Variants in CRLF3 observed in about 807,000 individuals in gnomAD.
CRLF3 encodes the protein cytokine receptor-like factor 3.
CRLF3 carries 33 observed loss-of-function variants against 55.0 expected under a neutral mutation model. That is an observed-to-expected ratio of 0.60 (90% confidence interval 0.46 to 0.80). CRLF3 has a LOEUF of 0.80. Among genes scored for constraint, CRLF3 ranks in the 30% least tolerant of loss-of-function variants. The probability of loss-of-function intolerance (pLI) is 0.00; values close to 1 mark genes in which losing one functional copy is unlikely to be tolerated. For synonymous variants in CRLF3, 238 were observed against 196.8 expected, an observed-to-expected ratio of 1.21 and a Z score of -1.75; for missense variants, 494 against 538.4, an observed-to-expected ratio of 0.92 and a Z score of 0.82.
chr17:30,808,687 G>C, intron 1 of CRLF3, among the ~76,000 whole-genome samples: 1 of 151,950 alleles, frequency 6.6e-6, no homozygotes, highest in Middle Eastern at 3.2e-3. Context: ...CCGCCTCCCA[G>C]GTTCAAGCAG....
chr17:30,795,582 C>G (rs1597920366), intron 4 of CRLF3, among the ~76,000 whole-genome samples: 1 of 151,768 alleles, frequency 6.6e-6, no homozygotes, highest in East Asian at 1.9e-4. Flanking sequence ...GTGGGCAGAT[C>G]ACCTGAGGTC....
chr17:30,793,566 A>G lies in CRLF3; in HGVS notation c.710T>C (p.Leu237Ser), dbSNP rs752882308. 1.9e-6 allele frequency: 3 copies of G among 1,614,120 alleles called. No individual in the cohort carries two copies. The highest frequency in any genetic ancestry group is 2.5e-6 in the Non-Finnish European group (3 of 1,179,988). Reference sequence around the variant, plus strand: ...GTAATCAACGTTGGGGTCTATGTGCAATACTATGAATTCAGTTTCAGAACC... The same window carrying G: ...GTAATCAACGTTGGGGTCTATGTGCGATACTATGAATTCAGTTTCAGAACC... ...YVGSETEFIV[L>S]HIDPNVDYQF... The change falls in exon 5 of 8, where the codon TTG becomes TCG. Residue 237 changes from leucine (L) to serine (S), a missense_variant. Leu to Ser is a moderately radical substitution (Grantham distance 145, BLOSUM62 -2). Transcript: ENST00000324238.
chr17:30,800,076 C>T (rs368865204), intron 2 of CRLF3, among the ~76,000 whole-genome samples: 6 of 152,188 alleles, frequency 3.9e-5, no homozygotes, highest in Admixed American at 3.9e-4. Flanking sequence ...AGATTAACTT[C>T]CAGGTGGAGT....
In CRLF3 at chr17:30,788,599, C is replaced by CTTTTTTT. The variant is rs1159336036; in HGVS notation, c.960-2575_960-2569dup. On this transcript the variant is annotated intron_variant, in intron 6 of 7. Coordinates refer to ENST00000324238, the MANE Select transcript of CRLF3 (RefSeq NM_015986.4). ...GGGATAAATAACAAAGTAGTGCCTTCTTTTTTTTTTTTTTTTTTTTTTTTT... is the reference window on the plus strand; with the variant it reads ...GGGATAAATAACAAAGTAGTGCCTTCTTTTTTTTTTTTTTTTTTTTTTTTTTTTTTTT... Among the ~76,000 whole-genome samples, 92 of 80,034 alleles carry CTTTTTTT rather than the reference C, an allele frequency of 1.1e-3. 6 individuals are homozygous for CTTTTTTT. Among genetic ancestry groups the CTTTTTTT allele is most frequent in the African/African-American group, 3.6e-3 (62 of 17,228 alleles). 52.5% of individuals were successfully genotyped at this position (80,034 alleles called of 152,430 possible).
chr17:30,805,776 A>G (rs1278464362), intron 1 of CRLF3, among the ~76,000 whole-genome samples: 1 of 151,602 alleles, frequency 6.6e-6, no homozygotes, highest in Non-Finnish European at 1.5e-5. Context: ...TGATCCTTGC[A>G]CTTTGAGAGG....
chr17:30,794,961 G>A (rs1270978916), intron 4 of CRLF3, among the ~76,000 whole-genome samples: 1 of 152,088 alleles, frequency 6.6e-6, no homozygotes, highest in East Asian at 1.9e-4. Flanking sequence ...ACCTATCAGC[G>A]TATGGATCCA....
chr17:30,815,993 CA>C (rs1198779603), intron 1 of CRLF3, among the ~76,000 whole-genome samples: 3 of 144,166 alleles, frequency 2.1e-5, no homozygotes, highest in South Asian at 4.5e-4. Context: ...AAAAAAAAGA[CA>C]ATTTGTAGGC....
Position 30,785,955 on chromosome 17 carries a change from G to C in CRLF3, c.1036C>G (p.Leu346Val). The change falls in exon 7 of 8, where the codon CTG becomes GTG. Residue 346 changes from leucine (L) to valine (V), a missense_variant. Coordinates refer to ENST00000324238, the MANE Select transcript of CRLF3 (RefSeq NM_015986.4). ...ATGCACACAGCTTGATCCCGCTGCA[G>C]AGAGTCATATCCATCCTGTTTTTCT... is the stretch of plus-strand genomic sequence containing the variant. ...CAEKQDGYDS[L>V]QRDQAVCIST... 1 of 1,611,780 alleles carries C rather than the reference G, an allele frequency of 6.2e-7. No homozygotes were observed. Among genetic ancestry groups the C allele is most frequent in the Non-Finnish European group, 8.5e-7 (1 of 1,177,970 alleles).
At chr17:30,804,364 T>C (rs1904326952) in intron 1 of CRLF3, among the ~76,000 whole-genome samples, 1 of 152,210 alleles carries the variant, frequency 6.6e-6, no homozygotes, top group Non-Finnish European at 1.5e-5. Flanking sequence ...ACTTATGATC[T>C]CTCCTAACAC....
At chr17:30,788,871 G>T (rs1355294709) in intron 6 of CRLF3, among the ~76,000 whole-genome samples, 2 of 151,996 alleles carry the variant, frequency 1.3e-5, no homozygotes, top group Non-Finnish European at 2.9e-5. Flanking sequence ...CTCCCAAAGT[G>T]CTGGGATTAC....
At chr17:30,804,130 C>T in intron 1 of CRLF3, 22 bp from the exon 2 acceptor site, 1 of 1,553,596 alleles carries the variant, frequency 6.4e-7, no homozygotes, top group Non-Finnish European at 8.9e-7. Flanking sequence ...TAACAAAATA[C>T]TCAAAATCAG....
chr17:30,792,740 T>C (rs1971833159), intron 5 of CRLF3, 168 bp from the exon 6 acceptor site: 2 of 483,840 alleles, frequency 4.1e-6, no homozygotes, highest in Admixed American at 6.6e-5. Context: ...GTCCCACAAA[T>C]TACAAAAGAT....
chr17:30,787,232 T>C (rs760953398), intron 6 of CRLF3, among the ~76,000 whole-genome samples: 2 of 152,258 alleles, frequency 1.3e-5, no homozygotes, highest in Non-Finnish European at 2.9e-5. Flanking sequence ...GTTGACATTA[T>C]AATTTATGTA....
chr17:30,799,382 CAG>C (rs1407754338), intron 2 of CRLF3, among the ~76,000 whole-genome samples: 1 of 152,138 alleles, frequency 6.6e-6, no homozygotes, highest in Non-Finnish European at 1.5e-5. Context: ...CTTTTTGAGA[CAG>C]AGTCTCACTC....
chr17:30,792,296 C>A, intron 6 of CRLF3, 144 bp downstream of exon 6: 1 of 636,748 alleles, frequency 1.6e-6, no homozygotes, highest in Non-Finnish European at 2.6e-6. Context: ...ACTACAGCTA[C>A]AGGAAATAAA....
Position 30,784,429 on chromosome 17 carries a change from T to C in CRLF3, c.1087A>G (p.Asn363Asp). The C allele has an allele frequency of 6.2e-7, 1 of 1,612,132 alleles. No individual in the cohort carries two copies. The stretch of plus-strand genomic sequence containing the variant: ...AACTGATTTGTCATTTCTTTTCCAT[T>C]GACAAAAACTGCACCTAAAATGTTA... ...CISTNGAVFV[N>D]GKEMTNQLPA... Residue 363 changes from asparagine to aspartate, a missense_variant, in exon 8 of 8, where the codon AAT (asparagine) becomes GAT (aspartate). Transcript: ENST00000324238.
At chr17:30,798,423 G>T (rs1453589968) in intron 2 of CRLF3, among the ~76,000 whole-genome samples, 1 of 151,674 alleles carries the variant, frequency 6.6e-6, no homozygotes, top group Non-Finnish European at 1.5e-5. Context: ...ATATGAAAAT[G>T]ACCAACTTCT....
At chr17:30,822,405 T>C (rs969433582) in intron 1 of CRLF3, among the ~76,000 whole-genome samples, 2 of 152,194 alleles carry the variant, frequency 1.3e-5, no homozygotes, top group African/African-American at 4.8e-5. Context: ...TAACTGCCAC[T>C]GGCACAAAAC....
At chr17:30,804,170 TA>T (rs1335424168) in intron 1 of CRLF3, 62 bp from the exon 2 acceptor site, 49 of 1,181,624 alleles carry the variant, frequency 4.1e-5, no homozygotes, top group Non-Finnish European at 6.0e-5. Flanking sequence ...TCCAAAGGTA[TA>T]ATTCACATGA....
Sources: allele counts gnomAD v4.1 joint callset (sites outside exome capture counted in the v4.1 genomes callset), GRCh38; gene constraint gnomAD v4.1.1; transcripts MANE v1.5; gene names NCBI Gene and HGNC (gene_info 2026-07-23, HGNC 2026-07-21).